The following STAT3 variants were observed in gnomAD, a reference collection of about 807,000 sequenced individuals.
The protein encoded by STAT3 is signal transducer and activator of transcription 3.
A neutral mutation model predicts 114.3 loss-of-function variants in STAT3; 7 were observed. The ratio of observed to expected loss-of-function variants is 0.06; its 90% CI spans 0.03 to 0.11. STAT3 has a LOEUF of 0.11. Ranked by LOEUF, STAT3 falls within the 10% of genes least tolerant of loss-of-function variation. The pLI is 1.00. For missense variants in STAT3, 364 were observed against 960.9 expected, an observed-to-expected ratio of 0.38 and a Z score of 8.21; for synonymous variants, 331 against 354.5, an observed-to-expected ratio of 0.93 and a Z score of 0.74.
At position 42,314,195 on chromosome 17, in the gene STAT3, G is replaced by A. The variant is rs894204518; in HGVS notation, c.*1550C>T. ...AGGCCAGGTATACACCCTCATACGAGGGCAGACTCAAGTTTATCAGTAAGC... is the reference window on the plus strand; with the variant it reads ...AGGCCAGGTATACACCCTCATACGAAGGCAGACTCAAGTTTATCAGTAAGC... On this transcript the variant is annotated 3_prime_UTR_variant, in exon 24 of 24. Transcript: ENST00000264657. The A allele has an allele frequency of 8.6e-6, 2 of 232,630 alleles. No individual in the cohort carries two copies. Among genetic ancestry groups the A allele is most frequent in the Admixed American group, 1.1e-4 (2 of 17,748 alleles). The allele number at this position is 232,630 out of a possible 1,614,324, so 14.4% of individuals were successfully genotyped here.
At chr17:42,323,753 A>T in intron 17 of STAT3, 128 bp from the exon 18 acceptor site, 1 of 880,124 alleles carries the variant, frequency 1.1e-6, no homozygotes, top group Non-Finnish European at 1.8e-6. Flanking sequence ...ACATCTTTGA[A>T]GGTAGGCACT....
intron 1 of STAT3, among the ~76,000 whole-genome samples, chr17:42,365,840 G>A (rs530938717): frequency 3.6e-4 from 54 of 152,028 alleles, no homozygotes; most frequent in African/African-American, 1.2e-3. Context: ...ATTTTCAGTA[G>A]AGACAGGGTT....
intron 1 of STAT3, among the ~76,000 whole-genome samples, chr17:42,385,626 C>G (rs1234848027): frequency 6.6e-6 from 1 of 152,058 alleles, no homozygotes; most frequent in East Asian, 1.9e-4. Context: ...TACCCCACCT[C>G]ATATCTGAAT....
intron 1 of STAT3, among the ~76,000 whole-genome samples, chr17:42,379,524 C>T (rs547957824): frequency 2.0e-5 from 3 of 152,310 alleles, no homozygotes; most frequent in African/African-American, 7.2e-5. Context: ...CAGCAATCAG[C>T]TCCCAGCTTC....
At chr17:42,362,838 C>T (rs1423587672) in intron 1 of STAT3, among the ~76,000 whole-genome samples, 3 of 152,154 alleles carry the variant, frequency 2.0e-5, no homozygotes, top group African/African-American at 4.8e-5. Flanking sequence ...CAGCTGGTGG[C>T]TAAGTTCCTG....
intron 1 of STAT3, among the ~76,000 whole-genome samples, chr17:42,352,984 G>A (rs1213924267): frequency 6.6e-6 from 1 of 152,092 alleles, no homozygotes; most frequent in African/African-American, 2.4e-5. Flanking sequence ...GATATATTGG[G>A]TTAAATAAAA....
chr17:42,366,872 G>A (rs1437625523), intron 1 of STAT3, among the ~76,000 whole-genome samples: 1 of 152,030 alleles, frequency 6.6e-6, no homozygotes, highest in East Asian at 1.9e-4. Flanking sequence ...CTGGCACGGT[G>A]GCTCAAACCT....
chr17:42,340,374 T>G (rs2082393727), intron 4 of STAT3, among the ~76,000 whole-genome samples: 1 of 144,332 alleles, frequency 6.9e-6, no homozygotes. Flanking sequence ...AAAAAAAAAA[T>G]TACAGGCTTG....
At chr17:42,338,834 A>G in intron 5 of STAT3, 22 bp from the exon 6 acceptor site, 1 of 1,584,678 alleles carries the variant, frequency 6.3e-7, no homozygotes, top group Non-Finnish European at 8.7e-7. Context: ...AAGCAAACAA[A>G]AAAACAGAAG....
At chr17:42,321,122 T>C (rs1598389572) in intron 21 of STAT3, among the ~76,000 whole-genome samples, 1 of 145,960 alleles carries the variant, frequency 6.9e-6, no homozygotes, top group South Asian at 2.3e-4. Context: ...CTCTTTTTTT[T>C]TTTTTTTTTT....
At chr17:42,338,665 G>T in intron 6 of STAT3, 66 bp downstream of exon 6, 2 of 1,469,600 alleles carry the variant, frequency 1.4e-6, no homozygotes, top group Non-Finnish European at 1.9e-6. Context: ...TAAGACAAAT[G>T]AGTCTTTCAA....
intron 1 of STAT3, among the ~76,000 whole-genome samples, chr17:42,368,451 TTTTTG>T (rs552230102): frequency 8.6e-5 from 13 of 151,856 alleles, no homozygotes; most frequent in African/African-American, 1.5e-4. Flanking sequence ...AAGTGACAGG[TTTTTG>T]TTTTGTTTTG....
Position 42,337,291 on chromosome 17 carries a change from TA to T in STAT3, c.797+143del. ...GCCACAGCGCCTGGCCGAAATAAAG[TA>T]AAAACTTTAATTCTTGGGCTAAATT... On this transcript the variant is annotated intron_variant, in intron 8 of 23. Coordinates refer to ENST00000264657, the MANE Select transcript of STAT3 (RefSeq NM_139276.3). This position sits in a 1 kb window ranked among gnomAD's most constrained non-coding sequence, Gnocchi z 4.0. 7.7e-7 allele frequency: 1 copy of T among 1,303,138 alleles called. No homozygotes were observed. The highest frequency in any genetic ancestry group is 1.0e-6 in the Non-Finnish European group (1 of 970,786). 80.7% of individuals were successfully genotyped at this position (1,303,138 alleles called of 1,614,324 possible).
At chr17:42,366,404 C>T (rs2083791019) in intron 1 of STAT3, among the ~76,000 whole-genome samples, 1 of 152,178 alleles carries the variant, frequency 6.6e-6, no homozygotes, top group Non-Finnish European at 1.5e-5. Flanking sequence ...GGCACAATGG[C>T]TCAGGCCTAT....
intron 1 of STAT3, among the ~76,000 whole-genome samples, chr17:42,352,752 T>C (rs1474950829): frequency 6.6e-6 from 1 of 152,098 alleles, no homozygotes; most frequent in Non-Finnish European, 1.5e-5. Flanking sequence ...CTGCATAATA[T>C]GCCAATTTAT....
chr17:42,346,488 A>G (rs2082706246), intron 3 of STAT3, 81 bp downstream of exon 3: 4 of 1,596,612 alleles, frequency 2.5e-6, no homozygotes, highest in Non-Finnish European at 3.4e-6. Flanking sequence ...GCCAAATGAG[A>G]AAAGAGATGC....
chr17:42,325,175 C>A lies in STAT3; in HGVS notation c.1366-114G>T, dbSNP rs926839122. 5 of 973,832 alleles carry A rather than the reference C, an allele frequency of 5.1e-6. No individual in the cohort carries two copies. In the Admixed American group the frequency reaches 8.4e-5, roughly 16 times the overall value. 60.3% of individuals were successfully genotyped at this position (973,832 alleles called of 1,614,324 possible). A position where few individuals can be genotyped will look rare whatever the true frequency, so the allele number is the denominator to read the frequency against. On this transcript the variant is annotated intron_variant, in intron 15 of 23. Coordinates refer to ENST00000264657, the MANE Select transcript of STAT3 (RefSeq NM_139276.3). ...ATGAAAGGACATGCCATAAACCACACCTGCTGCCAACTCTAGGCGAGGAGT... is the reference window on the plus strand; with the variant it reads ...ATGAAAGGACATGCCATAAACCACAACTGCTGCCAACTCTAGGCGAGGAGT...
At position 42,388,315 on chromosome 17, in the gene STAT3, G is replaced by A; in HGVS notation, c.-60C>T. ...GCAGAGGCCGAGAGGCCGGGGCTGC[G>A]CGTGTGCCGGGGACGGGCGGCGAGG... On this transcript the variant is annotated 5_prime_UTR_variant, in exon 1 of 24. Coordinates refer to ENST00000264657, the MANE Select transcript of STAT3 (RefSeq NM_139276.3). The A allele has an allele frequency of 8.1e-7, 1 of 1,231,904 alleles. No homozygotes were observed. The highest frequency in any genetic ancestry group is 1.0e-6 in the Non-Finnish European group (1 of 988,122). The allele number at this position is 1,231,904 out of a possible 1,614,324, so 76.3% of individuals were successfully genotyped here. A position where few individuals can be genotyped will look rare whatever the true frequency, so the allele number is the denominator to read the frequency against.
At chr17:42,338,905 C>A in intron 5 of STAT3, 93 bp from the exon 6 acceptor site, 3 of 1,178,036 alleles carry the variant, frequency 2.5e-6, no homozygotes, top group Non-Finnish European at 3.7e-6. Flanking sequence ...TCAAATGAAG[C>A]CAAAACCTCA....
Sources: gnomAD v4.1 joint callset for allele counts (sites outside exome capture counted in the v4.1 genomes callset) on GRCh38, gnomAD v4.1.1 for gene constraint, Gnocchi (gnomAD v3.1) non-coding constraint, MANE v1.5 for transcripts, NCBI Gene and HGNC (gene_info 2026-07-23, HGNC 2026-07-21) for gene names.